Variants in UBE2E2 observed in about 807,000 individuals in gnomAD.
UBE2E2 encodes ubiquitin-conjugating enzyme E2 E2.
UBE2E2 carries 6 observed loss-of-function variants against 24.7 expected under a neutral mutation model. The observed-to-expected ratio is 0.24, with a 90% confidence interval of 0.13 to 0.48. The LOEUF (loss-of-function observed/expected upper bound fraction) is 0.48, where lower values mean the gene tolerates loss of function less well. UBE2E2 is among the 20% of genes least tolerant of loss of function. The pLI, the probability that UBE2E2 is intolerant of heterozygous loss-of-function variation, is 0.99. For synonymous variants in UBE2E2, 104 were observed against 83.6 expected, an observed-to-expected ratio of 1.24 and a Z score of -1.33; for missense variants, 169 against 245.0, an observed-to-expected ratio of 0.69 and a Z score of 2.07.
intron 3 of UBE2E2, among the ~76,000 whole-genome samples, chr3:23,468,060 A>C (rs925229931): frequency 3.9e-5 from 6 of 152,106 alleles, no homozygotes; most frequent in Admixed American, 3.9e-4. Flanking sequence ...TTGGGTGGGG[A>C]CACAACCAAA....
chr3:23,268,812 G>C (rs1239448146), intron 3 of UBE2E2, among the ~76,000 whole-genome samples: 1 of 151,328 alleles, frequency 6.6e-6, no homozygotes, highest in African/African-American at 2.4e-5. Flanking sequence ...ATACTACAAG[G>C]CTACAGTAAC....
intron 3 of UBE2E2, among the ~76,000 whole-genome samples, chr3:23,242,803 C>T (rs533799557): frequency 3.2e-4 from 49 of 152,180 alleles, no homozygotes; most frequent in African/African-American, 1.1e-3. Flanking sequence ...AAATAGTTAT[C>T]GGCCAGGCGC....
At chr3:23,575,663 CAGAA>C (rs1696331079) in intron 5 of UBE2E2, among the ~76,000 whole-genome samples, 1 of 152,108 alleles carries the variant, frequency 6.6e-6, no homozygotes, top group African/African-American at 2.4e-5. Context: ...TGAGAATGCC[CAGAA>C]AGAGAGTAAA....
At chr3:23,536,796 A>G (rs1213186108) in intron 5 of UBE2E2, among the ~76,000 whole-genome samples, 1 of 152,240 alleles carries the variant, frequency 6.6e-6, no homozygotes, top group East Asian at 1.9e-4. Context: ...ATGAGTATAC[A>G]CATGGGTGCT....
At chr3:23,340,793 A>C (rs780907471) in intron 3 of UBE2E2, among the ~76,000 whole-genome samples, 4 of 152,148 alleles carry the variant, frequency 2.6e-5, no homozygotes. Context: ...AGTCAGAAAC[A>C]TGTGAAAAGG....
intron 3 of UBE2E2, among the ~76,000 whole-genome samples, chr3:23,358,708 C>G (rs2125329080): frequency 6.6e-6 from 1 of 152,186 alleles, no homozygotes; most frequent in South Asian, 2.1e-4. Flanking sequence ...GTAAGAATAA[C>G]AGAACTGAAA....
chr3:23,427,808 T>C (rs1043109857), intron 3 of UBE2E2, among the ~76,000 whole-genome samples: 1 of 152,172 alleles, frequency 6.6e-6, no homozygotes, highest in African/African-American at 2.4e-5. Flanking sequence ...GCAAGGAAAG[T>C]TGTCAGAGAT....
At chr3:23,496,114 A>G (rs1046315308) in intron 3 of UBE2E2, among the ~76,000 whole-genome samples, 3 of 152,228 alleles carry the variant, frequency 2.0e-5, no homozygotes, top group African/African-American at 7.2e-5. Flanking sequence ...CATAAATAAT[A>G]TAAAATATTC....
chr3:23,286,762 T>C (rs1698624990), intron 3 of UBE2E2, among the ~76,000 whole-genome samples: 1 of 152,196 alleles, frequency 6.6e-6, no homozygotes, highest in African/African-American at 2.4e-5. Flanking sequence ...TTTAACAGTA[T>C]TGATTCTTCC....
chr3:23,350,475 T>TA (rs1695710455), intron 3 of UBE2E2, among the ~76,000 whole-genome samples: 1 of 152,158 alleles, frequency 6.6e-6, no homozygotes, highest in African/African-American at 2.4e-5. Context: ...GGCAAAGAAG[T>TA]AAAAAACTTT....
chr3:23,541,199 C>T (rs1015658018), intron 5 of UBE2E2, among the ~76,000 whole-genome samples: 3 of 152,296 alleles, frequency 2.0e-5, no homozygotes, highest in Non-Finnish European at 4.4e-5. Context: ...TAATGTAACA[C>T]TACCAATGTC....
intron 3 of UBE2E2, among the ~76,000 whole-genome samples, chr3:23,290,497 T>G (rs1698734636): frequency 6.6e-6 from 1 of 152,042 alleles, no homozygotes; most frequent in Non-Finnish European, 1.5e-5. Context: ...AATTTTTATT[T>G]TTTTGAACTA....
At chr3:23,292,689 C>T (rs1299318792) in intron 3 of UBE2E2, among the ~76,000 whole-genome samples, 1 of 152,240 alleles carries the variant, frequency 6.6e-6, no homozygotes, top group Non-Finnish European at 1.5e-5. Context: ...ACTAGACAGC[C>T]TTGGCTCTGC....
intron 3 of UBE2E2, among the ~76,000 whole-genome samples, chr3:23,447,013 T>C (rs1311261296): frequency 6.6e-6 from 1 of 152,202 alleles, no homozygotes; most frequent in East Asian, 1.9e-4. Flanking sequence ...CTGTTTCCTC[T>C]GCCTGACACA....
intron 3 of UBE2E2, chr3:23,389,532 G>A (rs898894207): frequency 8.7e-5 from 16 of 184,212 alleles, no homozygotes; most frequent in African/African-American, 1.6e-4. Context: ...AAAGTTCTCC[G>A]AAGCAACCAC....
intron 3 of UBE2E2, among the ~76,000 whole-genome samples, chr3:23,408,377 C>G (rs1048917203): frequency 1.3e-5 from 2 of 151,992 alleles, no homozygotes; most frequent in African/African-American, 4.8e-5. Context: ...TATAATTTAT[C>G]TAGAAAATCT....
intron 3 of UBE2E2, among the ~76,000 whole-genome samples, chr3:23,450,980 T>C (rs889536499): frequency 1.3e-5 from 2 of 152,252 alleles, no homozygotes; most frequent in Non-Finnish European, 2.9e-5. Context: ...CTTTCCACTA[T>C]TGAGCTATCA....
At chr3:23,323,496 T>C (rs1694801567) in intron 3 of UBE2E2, 1 of 436,748 alleles carries the variant, frequency 2.3e-6, no homozygotes, top group Admixed American at 2.6e-5. Flanking sequence ...AAACACTTTG[T>C]AATTCACAAC....
intron 4 of UBE2E2, among the ~76,000 whole-genome samples, chr3:23,530,592 T>C (rs77689491): frequency 6.6e-6 from 1 of 152,216 alleles, no homozygotes; most frequent in Non-Finnish European, 1.5e-5. Context: ...GTATCTAGGA[T>C]TTAGAATTCT....
Sources: gnomAD v4.1 joint callset for allele counts (sites outside exome capture counted in the v4.1 genomes callset) on GRCh38, gnomAD v4.1.1 for gene constraint, MANE v1.5 for transcripts, NCBI Gene and HGNC (gene_info 2026-07-23, HGNC 2026-07-21) for gene names.